SPAG16: variants seen among roughly 807,000 people sequenced by gnomAD.
SPAG16 encodes the protein sperm associated antigen 16.
SPAG16 carries 86 observed loss-of-function variants against 80.4 expected under a neutral mutation model. The ratio of observed to expected loss-of-function variants is 1.07; its 90% CI spans 0.90 to 1.28. SPAG16 has a LOEUF of 1.28. Ranked by LOEUF, SPAG16 falls within the 50% of genes most tolerant of loss-of-function variation. The pLI is 0.00. For missense variants in SPAG16, 870 were observed against 765.3 expected (o/e 1.14, Z -1.61); for synonymous variants, 294 against 265.9 (o/e 1.11, Z -1.03).
chr2:214,092,763 T>C (rs963739894), intron 13 of SPAG16, among the ~76,000 whole-genome samples: 1 of 152,032 alleles, frequency 6.6e-6, no homozygotes, highest in Non-Finnish European at 1.5e-5. Context: ...CCATTTCTGT[T>C]TACCAGTAGG....
chr2:214,099,901 T>G (rs2052884287), intron 13 of SPAG16, among the ~76,000 whole-genome samples: 1 of 152,102 alleles, frequency 6.6e-6, no homozygotes, highest in South Asian at 2.1e-4. Context: ...AAAAATGTAT[T>G]GAGGTAAGCC....
intron 2 of SPAG16, 138 bp downstream of exon 2, chr2:213,296,248 G>A (rs2062491287): frequency 3.4e-6 from 2 of 587,202 alleles, no homozygotes; most frequent in Admixed American, 3.0e-5. Flanking sequence ...AATTTAGCTA[G>A]TATCAGCTGA....
chr2:213,615,005 T>A (rs1007715345), intron 10 of SPAG16, among the ~76,000 whole-genome samples: 2 of 152,214 alleles, frequency 1.3e-5, no homozygotes, highest in African/African-American at 4.8e-5. Context: ...CTTAAAACAA[T>A]CTCTCAAGAT....
At chr2:213,789,075 A>G (rs2070523637) in intron 10 of SPAG16, among the ~76,000 whole-genome samples, 1 of 151,990 alleles carries the variant, frequency 6.6e-6, no homozygotes, top group Non-Finnish European at 1.5e-5. Flanking sequence ...AATTGAATGC[A>G]AATAATTTGG....
At chr2:213,664,955 T>C (rs1211469532) in intron 10 of SPAG16, among the ~76,000 whole-genome samples, 1 of 152,078 alleles carries the variant, frequency 6.6e-6, no homozygotes, top group African/African-American at 2.4e-5. Flanking sequence ...GTACACTTTA[T>C]GTTCCTATTT....
chr2:214,304,230 G>T (rs1348450135), intron 15 of SPAG16, among the ~76,000 whole-genome samples: 1 of 152,124 alleles, frequency 6.6e-6, no homozygotes, highest in Non-Finnish European at 1.5e-5. Context: ...CCAAAATCTG[G>T]CCATAAACTG....
At chr2:213,838,228 G>T (rs929056848) in intron 10 of SPAG16, among the ~76,000 whole-genome samples, 3 of 152,160 alleles carry the variant, frequency 2.0e-5, no homozygotes, top group African/African-American at 7.2e-5. Flanking sequence ...CTGCAGTGCA[G>T]TGGTGTAATC....
chr2:214,404,596 T>C (rs186034185), intron 15 of SPAG16, among the ~76,000 whole-genome samples: 20 of 152,244 alleles, frequency 1.3e-4, no homozygotes, highest in African/African-American at 4.3e-4. Flanking sequence ...TCCTAGTGTC[T>C]TTAAAAAAAG....
intron 10 of SPAG16, among the ~76,000 whole-genome samples, chr2:213,666,189 T>TC (rs1559357277): frequency 6.6e-6 from 1 of 152,030 alleles, no homozygotes; most frequent in Admixed American, 6.6e-5. Context: ...CAAAAATTAA[T>TC]CCCCCCAAAA....
At chr2:214,315,293 G>A (rs1171981024) in intron 15 of SPAG16, among the ~76,000 whole-genome samples, 1 of 152,034 alleles carries the variant, frequency 6.6e-6, no homozygotes, top group Admixed American at 6.6e-5. Context: ...TATAAATACT[G>A]TTATTTCTAA....
intron 11 of SPAG16, among the ~76,000 whole-genome samples, chr2:213,882,949 T>A (rs1310225191): frequency 6.6e-6 from 1 of 152,204 alleles, no homozygotes; most frequent in Non-Finnish European, 1.5e-5. Context: ...CTCGGCTCAC[T>A]GCAAGCTCCG....
chr2:213,869,270 T>TA (rs2075846250), intron 11 of SPAG16, among the ~76,000 whole-genome samples: 1 of 69,684 alleles, frequency 1.4e-5, no homozygotes, highest in Admixed American at 1.7e-4. Flanking sequence ...AAAAAATATA[T>TA]ATATATATAT....
intron 10 of SPAG16, among the ~76,000 whole-genome samples, chr2:213,811,310 A>G (rs754921931): frequency 1.1e-4 from 16 of 152,294 alleles, no homozygotes; most frequent in Non-Finnish European, 2.2e-4. Context: ...TTCCATAATG[A>G]ACATACTACA....
intron 10 of SPAG16, among the ~76,000 whole-genome samples, chr2:213,496,609 T>C (rs1000541729): frequency 5.9e-5 from 9 of 151,988 alleles, no homozygotes; most frequent in Non-Finnish European, 1.2e-4. Flanking sequence ...TATAGAAATG[T>C]AACTTTTGGA....
chr2:214,266,381 C>G (rs745477735), intron 15 of SPAG16, among the ~76,000 whole-genome samples: 4 of 151,752 alleles, frequency 2.6e-5, no homozygotes, highest in African/African-American at 4.8e-5. Flanking sequence ...TATCTATTGC[C>G]AATAGATAGA....
chr2:213,430,627 A>T (rs1473954494), intron 9 of SPAG16, among the ~76,000 whole-genome samples: 3 of 152,184 alleles, frequency 2.0e-5, no homozygotes, highest in Admixed American at 6.5e-5. Flanking sequence ...CACAAGAGAG[A>T]AGAAAAAGCA....
intron 9 of SPAG16, among the ~76,000 whole-genome samples, chr2:213,485,210 T>TCTCGAA (rs1360330317): frequency 3.3e-5 from 5 of 152,026 alleles, no homozygotes; most frequent in African/African-American, 1.2e-4. Flanking sequence ...CCCAGGCTGG[T>TCTCGAA]CTCGAACTCC....
At chr2:214,106,035 T>C (rs914365257) in intron 13 of SPAG16, among the ~76,000 whole-genome samples, 1 of 151,998 alleles carries the variant, frequency 6.6e-6, no homozygotes, top group African/African-American at 2.4e-5. Context: ...CATTCAGAAT[T>C]TGAAAAAAAA....
chr2:213,909,904 C>T (rs369506770), intron 11 of SPAG16, among the ~76,000 whole-genome samples: 1 of 152,120 alleles, frequency 6.6e-6, no homozygotes, highest in African/African-American at 2.4e-5. Flanking sequence ...TTTATTTCAA[C>T]TCATAAAGAT....
Sources: allele counts gnomAD v4.1 joint callset (sites outside exome capture counted in the v4.1 genomes callset), GRCh38; gene constraint gnomAD v4.1.1; transcripts MANE v1.5; gene names NCBI Gene and HGNC (gene_info 2026-07-23, HGNC 2026-07-21).